KANK1: variants seen among roughly 807,000 people sequenced by gnomAD.
KANK1 encodes KN motif and ankyrin repeat domain-containing protein 1.
In KANK1, 109 loss-of-function variants were observed where a neutral mutation model predicts 106.2. That is an observed-to-expected ratio of 1.03 (90% CI 0.88 to 1.20). The LOEUF (loss-of-function observed/expected upper bound fraction) is 1.20, where lower values mean the gene tolerates loss of function less well. Among genes scored for constraint, KANK1 ranks in the 50% most tolerant of loss-of-function variants. The pLI is 0.00. For missense variants in KANK1, 2,399 were observed against 1,710.7 expected, an observed-to-expected ratio of 1.40 and a Z score of -7.10; for synonymous variants, 873 against 652.2, an observed-to-expected ratio of 1.34 and a Z score of -5.16.
At chr9:545,724 C>CTTTTTTTTT (rs61622402) in intron 1 of KANK1, among the ~76,000 whole-genome samples, 1 of 102,688 alleles carries the variant, frequency 9.7e-6, no homozygotes, top group Non-Finnish European at 1.9e-5. Context: ...TGTACAGAGC[C>CTTTTTTTTT]TTTTTTTTTT....
chr9:472,541 A>G (rs2058039956), intron 2 of KANK1, among the ~76,000 whole-genome samples: 1 of 152,200 alleles, frequency 6.6e-6, no homozygotes, highest in African/African-American at 2.4e-5. Context: ...TGAATCAGGC[A>G]TGGCCTTGTG....
chr9:562,587 C>G (rs951274939), intron 1 of KANK1, among the ~76,000 whole-genome samples: 1 of 152,188 alleles, frequency 6.6e-6, no homozygotes, highest in Non-Finnish European at 1.5e-5. Flanking sequence ...CTGGGCCTCT[C>G]TGAGCTGTAG....
chr9:690,359 G>A (rs182841078), intron 2 of KANK1, among the ~76,000 whole-genome samples: 3 of 151,706 alleles, frequency 2.0e-5, no homozygotes, highest in Admixed American at 2.0e-4. Context: ...CTAGTTTATG[G>A]CTTTTCAGTA....
intron 2 of KANK1, among the ~76,000 whole-genome samples, chr9:709,301 A>C (rs1225442824): frequency 1.3e-5 from 2 of 152,200 alleles, no homozygotes; most frequent in African/African-American, 4.8e-5. Flanking sequence ...ATCACTAAAT[A>C]TCCCATGCCC....
chr9:506,574 A>G (rs2058768598), intron 1 of KANK1, among the ~76,000 whole-genome samples: 1 of 151,818 alleles, frequency 6.6e-6, no homozygotes, highest in East Asian at 1.9e-4. Context: ...TCGGCAGGGA[A>G]TGTTAGAAGG....
Position 719,157 on chromosome 9 carries a change from C to T in KANK1, c.2698+5693C>T, listed in dbSNP as rs893415142. ...TTTTTATTATTATTTTTAGTAGAGA[C>T]GGGGTTTAACCTTGTTGGCCAGGCT... is the stretch of plus-strand genomic sequence containing the variant. On this transcript the variant is annotated intron_variant, in intron 3 of 11. Transcript: ENST00000382297. 2.0e-5 allele frequency among the ~76,000 whole-genome samples: 3 copies of T among 151,962 alleles called. No homozygotes were observed. The South Asian group carries it at 6.3e-4, about 32-fold the overall frequency.
chr9:472,339 T>C (rs1377528385), intron 2 of KANK1, among the ~76,000 whole-genome samples: 1 of 152,244 alleles, frequency 6.6e-6, no homozygotes, highest in East Asian at 1.9e-4. Context: ...GATGGGGTTA[T>C]GCCTCATTTC....
chr9:566,406 T>C (rs952211867), intron 1 of KANK1, among the ~76,000 whole-genome samples: 2 of 152,236 alleles, frequency 1.3e-5, no homozygotes, highest in East Asian at 1.9e-4. Context: ...ATGGGAGTTA[T>C]ATTTTTAGAA....
intron 3 of KANK1, among the ~76,000 whole-genome samples, chr9:474,361 GTC>G (rs2058069808): frequency 6.6e-6 from 1 of 152,202 alleles, no homozygotes; most frequent in East Asian, 1.9e-4. Flanking sequence ...GCCTTGTCCT[GTC>G]TCTTACTAAT....
Position 693,024 on chromosome 9 carries a change from T to TG in KANK1, c.37+16015_37+16016insG, listed in dbSNP as rs1408030769. On this transcript the variant is annotated intron_variant, in intron 2 of 11. Coordinates refer to ENST00000382297, the MANE Select transcript of KANK1 (RefSeq NM_015158.5). The stretch of plus-strand genomic sequence containing the variant: ...CTCAAAAAAGAACTTTTTTTTTTTT[T>TG]AGGTAATGAATTTAAATCATTAGGG... Among the ~76,000 whole-genome samples, 133 of 151,372 alleles carry TG rather than the reference T, an allele frequency of 8.8e-4. 1 individual carries two copies. The highest frequency in any genetic ancestry group is 4.5e-3 in the East Asian group (23 of 5,154).
intron 1 of KANK1, among the ~76,000 whole-genome samples, chr9:665,807 A>G (rs1844431645): frequency 1.3e-5 from 2 of 152,114 alleles, no homozygotes; most frequent in African/African-American, 2.4e-5. Context: ...TATCTTCTCC[A>G]TTTTTTGATT....
chr9:483,294 C>T (rs2058238540), intron 3 of KANK1, among the ~76,000 whole-genome samples: 1 of 152,168 alleles, frequency 6.6e-6, no homozygotes, highest in African/African-American at 2.4e-5. Flanking sequence ...GCATTCTCAC[C>T]ACATTTGAAT....
rs555555244 is a variant in KANK1 at position 639,220 on chromosome 9, TC to T, written c.-83-37667del. Among the ~76,000 whole-genome samples the T allele has an allele frequency of 1.2e-4, 19 of 152,308 alleles. No homozygotes were observed. The East Asian group carries it at 3.7e-3, about 29-fold the overall frequency. On this transcript the variant is annotated intron_variant, in intron 1 of 11. Coordinates refer to ENST00000382297, the MANE Select transcript of KANK1 (RefSeq NM_015158.5). Reference sequence around the variant, plus strand: ...CCCTATTTCACTTAAATATACACCTTCCCTTTAATTTTCTCTCATTCTTATC... The same window carrying T: ...CCCTATTTCACTTAAATATACACCTTCCTTTAATTTTCTCTCATTCTTATC...
intron 1 of KANK1, among the ~76,000 whole-genome samples, chr9:634,023 T>A (rs1214243053): frequency 6.6e-6 from 1 of 152,226 alleles, no homozygotes; most frequent in Non-Finnish European, 1.5e-5. Context: ...AGGTTTATCT[T>A]TTTCATAAGT....
intron 2 of KANK1, among the ~76,000 whole-genome samples, chr9:699,490 A>G (rs957070811): frequency 2.0e-5 from 3 of 152,210 alleles, no homozygotes; most frequent in African/African-American, 7.2e-5. Context: ...ATGTAGGAGT[A>G]GTGTGCAGGT....
chr9:491,931 G>A (rs774552518), intron 3 of KANK1, among the ~76,000 whole-genome samples: 113 of 152,184 alleles, frequency 7.4e-4, no homozygotes, highest in Middle Eastern at 3.2e-3. Context: ...CAAGTAAGAC[G>A]TGAGTTACTT....
chr9:591,695 C>T (rs539161766), intron 1 of KANK1, among the ~76,000 whole-genome samples: 2 of 151,894 alleles, frequency 1.3e-5, no homozygotes, highest in Admixed American at 6.5e-5. Context: ...GATGCAGTCT[C>T]GCCTAGGCTG....
At chr9:494,554 A>G (rs886339056) in intron 3 of KANK1, among the ~76,000 whole-genome samples, 1 of 152,158 alleles carries the variant, frequency 6.6e-6, no homozygotes, top group African/African-American at 2.4e-5. Context: ...GCATTGTGCT[A>G]CCATCTTGGT....
intron 1 of KANK1, among the ~76,000 whole-genome samples, chr9:615,732 A>G (rs1355101145): frequency 6.6e-6 from 1 of 152,214 alleles, no homozygotes; most frequent in Middle Eastern, 3.2e-3. Flanking sequence ...CAAGACATGA[A>G]GAACAAATGT....
Sources: gnomAD v4.1 joint callset for allele counts (sites outside exome capture counted in the v4.1 genomes callset) on GRCh38, gnomAD v4.1.1 for gene constraint, MANE v1.5 for transcripts, NCBI Gene and HGNC (gene_info 2026-07-23, HGNC 2026-07-21) for gene names.